TMEM217: variants seen among roughly 807,000 people sequenced by gnomAD.
TMEM217 encodes transmembrane protein 217.
For synonymous variants in TMEM217, 76 were observed against 88.3 expected, an observed-to-expected ratio of 0.86 and a Z score of 0.78; for missense variants, 204 against 248.8, an observed-to-expected ratio of 0.82 and a Z score of 1.21.
chr6:37,227,428 T>C (rs1187774672), intron 1 of TMEM217, among the ~76,000 whole-genome samples: 1 of 152,174 alleles, frequency 6.6e-6, no homozygotes, highest in Non-Finnish European at 1.5e-5. Flanking sequence ...TCTTGATTGC[T>C]CTAAGCGAAG....
chr6:37,249,999 C>T (rs1038689566), intron 1 of TMEM217, among the ~76,000 whole-genome samples: 2 of 152,098 alleles, frequency 1.3e-5, no homozygotes, highest in Admixed American at 1.3e-4. Flanking sequence ...GAATGTGAAA[C>T]AACCAAATGT....
rs528114491 is a variant in TMEM217, at chr6:37,218,230, C to T, written c.*192G>A. The T allele has an allele frequency of 2.6e-5, 35 of 1,334,430 alleles. No homozygotes were observed. The Admixed American group carries it at 3.8e-4, about 14-fold the overall frequency. 82.7% of individuals were successfully genotyped at this position (1,334,430 alleles called of 1,614,324 possible). A position where few individuals can be genotyped will look rare whatever the true frequency, so the allele number is the denominator to read the frequency against. On this transcript the variant is annotated 3_prime_UTR_variant, in exon 2 of 2. Transcript: ENST00000357219. ...TGTCACTCAGGCTGAAGTGCACTGG[C>T]GCAATCTCGGCTCACTGCAACCTCC...
At chr6:37,227,065 AT>A (rs1237531156) in intron 1 of TMEM217, among the ~76,000 whole-genome samples, 2 of 152,252 alleles carry the variant, frequency 1.3e-5, no homozygotes, top group Admixed American at 1.3e-4. Flanking sequence ...CAGCAGCAAA[AT>A]TAGGATTTGA....
At chr6:37,249,759 T>C (rs548534189) in intron 1 of TMEM217, among the ~76,000 whole-genome samples, 9 of 152,374 alleles carry the variant, frequency 5.9e-5, no homozygotes, top group Non-Finnish European at 4.4e-5. Context: ...GGTGAAACCA[T>C]GTTATAGGAA....
At chr6:37,255,379 C>T (rs1048701050) in intron 1 of TMEM217, among the ~76,000 whole-genome samples, 1 of 152,030 alleles carries the variant, frequency 6.6e-6, no homozygotes, top group African/African-American at 2.4e-5. Context: ...ATATCGTCTA[C>T]ATTTTAACAG....
chr6:37,224,448 A>G (rs1763699894), intron 1 of TMEM217, among the ~76,000 whole-genome samples: 1 of 150,908 alleles, frequency 6.6e-6, no homozygotes, highest in Non-Finnish European at 1.5e-5. Context: ...AATACAAAAA[A>G]TTAGCCGGGC....
chr6:37,241,523 G>A (rs1034841164), intron 1 of TMEM217, among the ~76,000 whole-genome samples: 1 of 152,108 alleles, frequency 6.6e-6, no homozygotes, highest in African/African-American at 2.4e-5. Flanking sequence ...AGAAGCAGGT[G>A]CTGGCAGGAT....
At position 37,226,281 on chromosome 6, in the gene TMEM217, C is replaced by CTTTTTTT. The variant is rs755752365; in HGVS notation, c.-11-7247_-11-7241dup. Among the ~76,000 whole-genome samples the CTTTTTTT allele has an allele frequency of 1.7e-4, 13 of 74,892 alleles. 3 individuals carry two copies. Among genetic ancestry groups the CTTTTTTT allele is most frequent in the South Asian group, 4.9e-4 (1 of 2,032 alleles). The allele number at this position is 74,892 out of a possible 152,430, so 49.1% of individuals were successfully genotyped here. Reference sequence around the variant, plus strand: ...TTTTATTTTGTTTTTTTGAGACAGTCTTTTTTTTTTTTTTTTTTTTTTTTT... The same window carrying CTTTTTTT: ...TTTTATTTTGTTTTTTTGAGACAGTCTTTTTTTTTTTTTTTTTTTTTTTTTTTTTTTT... On this transcript the variant is annotated intron_variant, in intron 1 of 1. Transcript: ENST00000357219.
intron 1 of TMEM217, among the ~76,000 whole-genome samples, chr6:37,240,481 C>G (rs1387091941): frequency 2.0e-5 from 3 of 152,156 alleles, no homozygotes; most frequent in Non-Finnish European, 4.4e-5. Context: ...TGGCTTCCCC[C>G]AGAGTAAGTG....
chr6:37,215,179 C>A, downstream of TMEM217: 1 of 1,612,316 alleles, frequency 6.2e-7, no homozygotes, highest in South Asian at 1.1e-5. Context: ...CTGGTACATT[C>A]TATTCATTCA....
In TMEM217 at chr6:37,231,612, C is replaced by T. The variant is rs1321569536; in HGVS notation, c.-11-12571G>A. Among the ~76,000 whole-genome samples the T allele has an allele frequency of 5.0e-5, 7 of 141,162 alleles. 1 individual carries two copies. The highest frequency in any genetic ancestry group is 7.9e-5 in the African/African-American group (3 of 37,780). The allele number at this position is 141,162 out of a possible 152,430, so 92.6% of individuals were successfully genotyped here. A position where few individuals can be genotyped will look rare whatever the true frequency, so the allele number is the denominator to read the frequency against. On this transcript the variant is annotated intron_variant, in intron 1 of 1. Coordinates refer to ENST00000357219, the Ensembl canonical transcript of TMEM217. ...GGCGTGAACCCGGGAGGTGGGGTTG[C>T]GGTGAGCCGAGATTGCACCATTGCA...
rs147864327 is a variant in TMEM217, at chr6:37,246,310, G to T, written c.-12+11258C>A. 2.0e-4 allele frequency among the ~76,000 whole-genome samples: 30 copies of T among 149,692 alleles called. No homozygotes were observed. The East Asian group carries it at 5.8e-3, about 29-fold the overall frequency. ...TGCCTGGAGTGGGTTCCAGGCTTCA[G>T]TCTGGATTTTTGTCTGCTCCCACAT... On this transcript the variant is annotated intron_variant, in intron 1 of 1. Coordinates refer to ENST00000357219, the Ensembl canonical transcript of TMEM217.
At chr6:37,247,390 T>C (rs1189494165) in intron 1 of TMEM217, among the ~76,000 whole-genome samples, 1 of 1,560 alleles carries the variant, frequency 6.4e-4, no homozygotes, top group Non-Finnish European at 9.4e-4. Context: ...ACTTTTTTAC[T>C]TTTTTTTTTT....
In TMEM217 at chr6:37,231,641, C is replaced by T. The variant is rs569514400; in HGVS notation, c.-11-12600G>A. ...GAGCCGAGATTGCACCATTGCACTC[C>T]AGCCTGGGCGATAGAGTGAGACTCC... is the stretch of plus-strand genomic sequence containing the variant. On this transcript the variant is annotated intron_variant, in intron 1 of 1. Coordinates refer to ENST00000357219, the Ensembl canonical transcript of TMEM217. Among the ~76,000 whole-genome samples the T allele has an allele frequency of 3.5e-5, 5 of 142,088 alleles. No individual in the cohort carries two copies. In the East Asian group the frequency reaches 6.2e-4, roughly 18 times the overall value. The allele number at this position is 142,088 out of a possible 152,430, so 93.2% of individuals were successfully genotyped here.
At chr6:37,240,827 CCTAT>C (rs1207009492) in intron 1 of TMEM217, among the ~76,000 whole-genome samples, 6 of 152,184 alleles carry the variant, frequency 3.9e-5, no homozygotes, top group Non-Finnish European at 7.4e-5. Context: ...AATATATGTA[CCTAT>C]CTGTTTTAGC....
At chr6:37,248,276 A>AAT (rs1443017416) in intron 1 of TMEM217, among the ~76,000 whole-genome samples, 1 of 152,166 alleles carries the variant, frequency 6.6e-6, no homozygotes, top group African/African-American at 2.4e-5. Flanking sequence ...TACAGTGCTT[A>AAT]ATATAGTTTA....
intron 1 of TMEM217, among the ~76,000 whole-genome samples, chr6:37,226,858 AC>A (rs1439153386): frequency 2.0e-5 from 3 of 152,072 alleles, no homozygotes; most frequent in Non-Finnish European, 4.4e-5. Context: ...GAGCCACGGC[AC>A]CCAGCCCAAG....
At chr6:37,218,585 T>C (rs774434590) in exon 2 of TMEM217, 2 of 1,614,188 alleles carry the variant, frequency 1.2e-6, no homozygotes, top group Non-Finnish European at 1.7e-6. Flanking sequence ...TATGTGGGCA[T>C]AGTTGATGAC....
rs750149208 is a variant in TMEM217 at position 37,218,611 on chromosome 6, A to C, written c.420T>G (p.Cys140Trp). Residue 140 changes from cysteine to tryptophan, a missense_variant, in exon 2 of 2, where the codon TGT (cysteine) becomes TGG (tryptophan). Physicochemically the swap from Cys to Trp is radical, Grantham distance 215. Transcript: ENST00000357219. ...AGTTGATGACAAAGAACATCCAGAA[A>C]CAGTGCATGACTGTACGAGACACCA... 2.5e-6 allele frequency: 4 copies of C among 1,614,200 alleles called. No homozygotes were observed. In the South Asian group the frequency reaches 4.4e-5, roughly 18 times the overall value.
Sources: allele counts gnomAD v4.1 joint callset (sites outside exome capture counted in the v4.1 genomes callset), GRCh38; gene constraint gnomAD v4.1.1; transcripts MANE v1.5; gene names NCBI Gene and HGNC (gene_info 2026-07-23, HGNC 2026-07-21).